The following TEX11 variants were observed in gnomAD, a reference collection of about 807,000 sequenced individuals.
TEX11 encodes testis expressed 11.
In TEX11, 7 loss-of-function variants were observed where a neutral mutation model predicts 84.4. That is an observed-to-expected ratio of 0.08 (90% CI 0.05 to 0.16). The LOEUF (loss-of-function observed/expected upper bound fraction) is 0.16, where lower values mean the gene tolerates loss of function less well. Among genes scored for constraint, TEX11 ranks in the 10% least tolerant of loss-of-function variants. The pLI, the probability that TEX11 is intolerant of heterozygous loss-of-function variation, is 1.00. For missense variants in TEX11, 551 were observed against 660.5 expected (o/e 0.83, Z 1.82); for synonymous variants, 264 against 222.8 (o/e 1.18, Z -1.64).
intron 2 of TEX11, among the ~76,000 whole-genome samples, chrX:70,897,773 A>T (rs2091781658): frequency 8.9e-6 from 1 of 111,751 alleles, no homozygotes. Context: ...TCATTCAATA[A>T]AACTTTAATG....
chrX:70,809,409 C>T (rs2091238835), intron 8 of TEX11, among the ~76,000 whole-genome samples: 1 of 111,342 alleles, frequency 9.0e-6, no homozygotes, highest in East Asian at 2.8e-4. Context: ...TTAATCTAAC[C>T]AAAGTTATGG....
chrX:70,776,916 A>G (rs180861983), intron 9 of TEX11, among the ~76,000 whole-genome samples: 419 of 111,748 alleles, frequency 3.7e-3, no homozygotes, highest in Non-Finnish European at 5.6e-3. Flanking sequence ...GAAATGATAA[A>G]TACTCAAGGT....
chrX:70,861,526 G>A (rs924537949), intron 4 of TEX11, among the ~76,000 whole-genome samples: 2 of 110,321 alleles, frequency 1.8e-5, no homozygotes, highest in Non-Finnish European at 3.8e-5. Context: ...GTGCAGTGAC[G>A]CATGATCTTG....
At chrX:70,871,556 A>T (rs1285758523) in intron 4 of TEX11, among the ~76,000 whole-genome samples, 2 of 112,258 alleles carry the variant, frequency 1.8e-5, no homozygotes, top group Non-Finnish European at 3.8e-5. Context: ...AAGGAAACAA[A>T]ATATATTCCA....
chrX:70,516,402 G>C, the TEX11 span, among the ~76,000 whole-genome samples: 3 of 111,648 alleles, frequency 2.7e-5, no homozygotes, highest in African/African-American at 3.2e-5. Context: ...TCTTGTTTTT[G>C]TCAGGTTTGT....
intron 7 of TEX11, chrX:70,846,167 ACAT>A (rs76379553): frequency 0.22 from 24,759 of 111,054 alleles, 2,165 homozygotes; most frequent in Admixed American, 0.4. Context: ...CAGCAAAGCA[ACAT>A]CAAGAGCCGG....
At chrX:70,767,745 T>C (rs1025097727) in intron 9 of TEX11, among the ~76,000 whole-genome samples, 2 of 111,875 alleles carry the variant, frequency 1.8e-5, no homozygotes, top group African/African-American at 6.5e-5. Flanking sequence ...GATAGATGAA[T>C]GGATAAAGAA....
chrX:70,696,800 A>C (rs2090284685), intron 13 of TEX11, among the ~76,000 whole-genome samples: 1 of 111,340 alleles, frequency 9.0e-6, no homozygotes, highest in African/African-American at 3.3e-5. Context: ...CAAACAACAA[A>C]AAAACCCCAA....
chrX:70,528,666 G>A (rs2087846882), downstream of TEX11, among the ~76,000 whole-genome samples: 1 of 110,941 alleles, frequency 9.0e-6, no homozygotes, highest in South Asian at 3.8e-4. Flanking sequence ...AGATTCTCAA[G>A]GATGTTAGAG....
chrX:70,627,387 G>A (rs2089461801), intron 18 of TEX11, among the ~76,000 whole-genome samples: 1 of 112,078 alleles, frequency 8.9e-6, no homozygotes, highest in Non-Finnish European at 1.9e-5. Flanking sequence ...GTGAGAAAAA[G>A]GCAAGAGGTG....
intron 25 of TEX11, among the ~76,000 whole-genome samples, chrX:70,559,236 T>A (rs2088329991): frequency 8.9e-6 from 1 of 112,300 alleles, no homozygotes; most frequent in Non-Finnish European, 1.9e-5. Context: ...TATTTGACCA[T>A]AAAAAGTAAT....
At chrX:70,768,274 C>T (rs772788967) in intron 9 of TEX11, among the ~76,000 whole-genome samples, 7 of 110,150 alleles carry the variant, frequency 6.4e-5, no homozygotes, top group Non-Finnish European at 1.3e-4. Flanking sequence ...AATATGTACC[C>T]ACAAAAATTA....
rs187257718 is a variant in TEX11, at chrX:70,801,865, A to T, written c.692+4840T>A. ...TCTAACAGTTGCTAAGGGAAGTTGT[A>T]CTCTAGAGAAGTATTCCAGCTCATA... On this transcript the variant is annotated intron_variant, in intron 9 of 29. Transcript: ENST00000374333. Among the ~76,000 whole-genome samples, 87 of 110,869 alleles carry T rather than the reference A, an allele frequency of 7.8e-4. No homozygotes were observed. The East Asian group carries it at 0.021, about 26-fold the overall frequency.
chrX:70,679,769 G>C (rs1478629334), intron 14 of TEX11, among the ~76,000 whole-genome samples: 5 of 103,195 alleles, frequency 4.8e-5, no homozygotes, highest in Non-Finnish European at 1.0e-4. Flanking sequence ...CCGCCCGTCC[G>C]GGAGGGAGGT....
At chrX:70,579,408 T>C (rs1971216044) in intron 25 of TEX11, among the ~76,000 whole-genome samples, 1 of 104,770 alleles carries the variant, frequency 9.5e-6, no homozygotes, top group African/African-American at 3.5e-5. Flanking sequence ...GGCAGGAGAA[T>C]GGTGGGTGAA....
chrX:70,831,109 A>C (rs1044647620), intron 8 of TEX11, among the ~76,000 whole-genome samples: 4 of 112,014 alleles, frequency 3.6e-5, no homozygotes, highest in Admixed American at 9.5e-5. Flanking sequence ...ATTTATATAC[A>C]ATAGAATACT....
At chrX:70,562,834 A>G (rs1407684283) in intron 25 of TEX11, among the ~76,000 whole-genome samples, 1 of 112,095 alleles carries the variant, frequency 8.9e-6, no homozygotes, top group African/African-American at 3.2e-5. Flanking sequence ...TCCTACTCCA[A>G]TGTCCAACCT....
chrX:70,651,509 T>C lies in TEX11; in HGVS notation c.1424A>G (p.Asn475Ser), dbSNP rs760637499. 4 of 1,208,299 alleles carry C rather than the reference T, an allele frequency of 3.3e-6. No individual in the cohort carries two copies. Among genetic ancestry groups the C allele is most frequent in the Non-Finnish European group, 4.5e-6 (4 of 893,394 alleles). Residue 475 changes from asparagine to serine, a missense_variant, in exon 17 of 30, where the codon AAC (asparagine) becomes AGC (serine). Asn to Ser is a conservative substitution (Grantham distance 46, BLOSUM62 1). Transcript: ENST00000374333. ...GAATATATAAAATTGAGTGAAAACG[T>C]TCCTAGGGTCATGTCGTTCAGCTTC... ...VAEAERHDPRNVFTQFYIFKI... is the reference protein window; with the variant it reads ...VAEAERHDPRSVFTQFYIFKI...
In TEX11 at chrX:70,782,655, A is replaced by AAAC. The variant is rs750891791; in HGVS notation, c.692+24049_692+24050insGTT. 9.8e-4 allele frequency among the ~76,000 whole-genome samples: 101 copies of AAAC among 102,676 alleles called. 4 individuals carry two copies. The highest frequency in any genetic ancestry group is 3.5e-3 in the African/African-American group (98 of 27,818). 89.2% of individuals were successfully genotyped at this position (102,676 alleles called of 115,157 possible). A position where few individuals can be genotyped will look rare whatever the true frequency, so the allele number is the denominator to read the frequency against. ...CAAGCAAATGGAAAGCAAAAAAAAA[A>AAAC]AAAAAAAAAAACAGGGGTTGCAATC... On this transcript the variant is annotated intron_variant, in intron 9 of 29. Coordinates refer to ENST00000374333, the MANE Select transcript of TEX11 (RefSeq NM_031276.3).
Sources: gnomAD v4.1 joint callset for allele counts (sites outside exome capture counted in the v4.1 genomes callset) on GRCh38, gnomAD v4.1.1 for gene constraint, MANE v1.5 for transcripts, NCBI Gene and HGNC (gene_info 2026-07-23, HGNC 2026-07-21) for gene names.